Variants in ZNF804B observed in about 807,000 individuals in gnomAD.
The protein encoded by ZNF804B is zinc finger protein 804B.
Under a neutral mutation model 101.4 loss-of-function variants are expected in ZNF804B, and 80 were observed. The observed-to-expected ratio is 0.79, with a 90% CI of 0.66 to 0.95. The LOEUF (loss-of-function observed/expected upper bound fraction) is 0.95, where lower values mean the gene tolerates loss of function less well. Ranked by LOEUF, ZNF804B falls within the 40% of genes least tolerant of loss-of-function variation. ZNF804B has a pLI of 0.00. For missense variants in ZNF804B, 1,673 were observed against 1,561.9 expected, an observed-to-expected ratio of 1.07 and a Z score of -1.20; for synonymous variants, 622 against 558.8, an observed-to-expected ratio of 1.11 and a Z score of -1.59.
chr7:89,055,324 T>G (rs1007609169), intron 1 of ZNF804B, among the ~76,000 whole-genome samples: 13 of 152,092 alleles, frequency 8.5e-5, no homozygotes, highest in African/African-American at 3.1e-4. Context: ...TTCTAAACCT[T>G]GAAGACTCCT....
At chr7:88,778,355 C>A (rs927097875) in intron 1 of ZNF804B, among the ~76,000 whole-genome samples, 1 of 152,148 alleles carries the variant, frequency 6.6e-6, no homozygotes, top group Admixed American at 6.5e-5. Context: ...ATACTCTTCC[C>A]ATGTCAAGGT....
intron 2 of ZNF804B, among the ~76,000 whole-genome samples, chr7:89,295,123 C>A (rs1013296150): frequency 3.3e-5 from 5 of 152,082 alleles, no homozygotes; most frequent in African/African-American, 1.2e-4. Flanking sequence ...TATATGAGCA[C>A]CCTGAATGTA....
At chr7:89,311,548 C>T (rs1254519171) in intron 2 of ZNF804B, among the ~76,000 whole-genome samples, 1 of 152,198 alleles carries the variant, frequency 6.6e-6, no homozygotes, top group African/African-American at 2.4e-5. Context: ...TCTTCCATTA[C>T]TGAATTTTTA....
At chr7:88,761,149 G>A (rs1011550018) in intron 1 of ZNF804B, among the ~76,000 whole-genome samples, 1 of 151,846 alleles carries the variant, frequency 6.6e-6, no homozygotes, top group African/African-American at 2.4e-5. Context: ...TATTATAAAA[G>A]CCTTTGATTA....
chr7:89,039,689 T>C (rs1467752882), intron 1 of ZNF804B, among the ~76,000 whole-genome samples: 1 of 151,878 alleles, frequency 6.6e-6, no homozygotes, highest in East Asian at 1.9e-4. Context: ...GAACTTTCAG[T>C]ATAGCATTGC....
intron 1 of ZNF804B, among the ~76,000 whole-genome samples, chr7:88,962,712 T>TATAC (rs1198737243): frequency 3.8e-5 from 2 of 52,378 alleles, no homozygotes; most frequent in South Asian, 1.2e-3. Context: ...AACTCACATA[T>TATAC]ATATATATAT....
intron 1 of ZNF804B, among the ~76,000 whole-genome samples, chr7:89,147,770 C>T (rs973019176): frequency 1.3e-5 from 2 of 151,544 alleles, no homozygotes; most frequent in Middle Eastern, 3.2e-3. Context: ...ACTGTGCATG[C>T]GAGGAAGCTA....
intron 3 of ZNF804B, among the ~76,000 whole-genome samples, chr7:89,332,075 C>T (rs1347379022): frequency 9.9e-5 from 15 of 150,964 alleles, no homozygotes; most frequent in African/African-American, 2.9e-4. Flanking sequence ...TATATTTTTA[C>T]ACTTTATAAG....
At chr7:88,787,921 A>G (rs953299513) in intron 1 of ZNF804B, among the ~76,000 whole-genome samples, 6 of 152,180 alleles carry the variant, frequency 3.9e-5, no homozygotes, top group African/African-American at 1.4e-4. Context: ...ACAAGATCAG[A>G]CAATGGGAAC....
rs1001400654 is a variant in ZNF804B, at chr7:89,278,336, C to A, written c.250-49008C>A. Reference sequence around the variant, plus strand: ...TCTGCTGGTAGTTTCTTTTGCTGTGCAGAAGCTCTTTAGTTTAATTAGATC... The same window carrying A: ...TCTGCTGGTAGTTTCTTTTGCTGTGAAGAAGCTCTTTAGTTTAATTAGATC... On this transcript the variant is annotated intron_variant, in intron 2 of 3. Transcript: ENST00000333190. 1.7e-3 allele frequency among the ~76,000 whole-genome samples: 259 copies of A among 151,816 alleles called. 3 individuals are homozygous for A. Among genetic ancestry groups the A allele is most frequent in the African/African-American group, 5.8e-3 (242 of 41,384 alleles).
chr7:89,032,899 G>A lies in ZNF804B; in HGVS notation c.109-185256G>A, dbSNP rs114396375. Among the ~76,000 whole-genome samples, 1,189 of 152,068 alleles carry A rather than the reference G, an allele frequency of 7.8e-3. 11 individuals are homozygous for A. The highest frequency in any genetic ancestry group is 0.027 in the African/African-American group (1,112 of 41,498). ...TGAATATAATGTGGAATAATTAAATGATTCTAATTAGCATATTCATTACCT... is the reference window on the plus strand; with the variant it reads ...TGAATATAATGTGGAATAATTAAATAATTCTAATTAGCATATTCATTACCT... On this transcript the variant is annotated intron_variant, in intron 1 of 3. Coordinates refer to ENST00000333190, the MANE Select transcript of ZNF804B (RefSeq NM_181646.5).
In ZNF804B at chr7:89,334,611, G is replaced by C. The variant is rs114868448; in HGVS notation, c.1629G>C (p.Pro543=). Residue 543 remains proline, a synonymous_variant, in exon 4 of 4, where the codon CCG becomes CCC. Transcript: ENST00000333190. The part of the protein sequence containing the change: ...YPKPKTMIAN[P]DWEKFQRKYN... Reference sequence around the variant, plus strand: ...AACCAAAGACGATGATAGCTAATCCGGATTGGGAAAAATTCCAGAGGAAAT... The same window carrying C: ...AACCAAAGACGATGATAGCTAATCCCGATTGGGAAAAATTCCAGAGGAAAT... 3 of 1,613,694 alleles carry C rather than the reference G, an allele frequency of 1.9e-6. No individual in the cohort carries two copies. The highest frequency in any genetic ancestry group is 4.5e-5 in the East Asian group (2 of 44,850).
At chr7:88,915,776 G>A (rs1467230946) in intron 1 of ZNF804B, among the ~76,000 whole-genome samples, 1 of 137,900 alleles carries the variant, frequency 7.3e-6, no homozygotes, top group Non-Finnish European at 1.5e-5. Flanking sequence ...TTTATTTAAT[G>A]TTAAGATTCA....
chr7:88,848,706 AT>A (rs1348841690), intron 1 of ZNF804B, among the ~76,000 whole-genome samples: 2 of 95,350 alleles, frequency 2.1e-5, no homozygotes, highest in Admixed American at 2.0e-4. Flanking sequence ...GGGCATATAG[AT>A]TGGTAAAAAA....
chr7:89,142,998 C>T lies in ZNF804B; in HGVS notation c.109-75157C>T, dbSNP rs774570357. ...CTATTTCTGTGAAGTGAAATCAGCC[C>T]CTCTTTACAAAACTCAGAGGACTTT... On this transcript the variant is annotated intron_variant, in intron 1 of 3. Coordinates refer to ENST00000333190, the MANE Select transcript of ZNF804B (RefSeq NM_181646.5). 3.3e-5 allele frequency among the ~76,000 whole-genome samples: 5 copies of T among 151,860 alleles called. 1 individual carries two copies. The South Asian group carries it at 1.0e-3, about 32-fold the overall frequency.
At chr7:88,787,261 G>T (rs1043446073) in intron 1 of ZNF804B, among the ~76,000 whole-genome samples, 1 of 152,120 alleles carries the variant, frequency 6.6e-6, no homozygotes, top group African/African-American at 2.4e-5. Context: ...ATTTATTATA[G>T]AATTTTGCTT....
At chr7:88,779,971 C>T (rs1427276894) in intron 1 of ZNF804B, among the ~76,000 whole-genome samples, 2 of 152,094 alleles carry the variant, frequency 1.3e-5, no homozygotes, top group African/African-American at 4.8e-5. Flanking sequence ...CATTCAATCT[C>T]AGCTGATTTA....
chr7:89,016,817 C>A lies in ZNF804B; in HGVS notation c.109-201338C>A, dbSNP rs373527426. ...TTTAGCTTAGATTGACTTGGCGATGCGGGCTCCTTTTTGGTTCCGTATGAA... is the reference window on the plus strand; with the variant it reads ...TTTAGCTTAGATTGACTTGGCGATGAGGGCTCCTTTTTGGTTCCGTATGAA... On this transcript the variant is annotated intron_variant, in intron 1 of 3. Transcript: ENST00000333190. Among the ~76,000 whole-genome samples, 6 of 152,260 alleles carry A rather than the reference C, an allele frequency of 3.9e-5. No individual in the cohort carries two copies. The South Asian group carries it at 1.0e-3, about 26-fold the overall frequency.
chr7:89,198,696 T>A lies in ZNF804B; in HGVS notation c.109-19459T>A, dbSNP rs1788589286. 1.3e-5 allele frequency among the ~76,000 whole-genome samples: 2 copies of A among 151,946 alleles called. 1 individual carries two copies. The highest frequency in any genetic ancestry group is 4.1e-4 in the South Asian group (2 of 4,836). On this transcript the variant is annotated intron_variant, in intron 1 of 3. Transcript: ENST00000333190. ...ATAAAATTTTAAATAACTGCTTTTT[T>A]ATAAAGTAGTAAGAATACAATAGAA...
Sources: allele counts gnomAD v4.1 joint callset (sites outside exome capture counted in the v4.1 genomes callset), GRCh38; gene constraint gnomAD v4.1.1; transcripts MANE v1.5; gene names NCBI Gene and HGNC (gene_info 2026-07-23, HGNC 2026-07-21).